The following LMAN2L variants were observed in gnomAD, a reference collection of about 807,000 sequenced individuals.
LMAN2L encodes lectin, mannose binding 2 like.
In LMAN2L, 30 loss-of-function variants were observed where a neutral mutation model predicts 44.3. The ratio of observed to expected loss-of-function variants is 0.68; its 90% CI spans 0.51 to 0.92. The LOEUF is 0.92. Among genes scored for constraint, LMAN2L ranks in the 40% least tolerant of loss-of-function variants. The probability of loss-of-function intolerance (pLI) is 0.00; values close to 1 mark genes in which losing one functional copy is unlikely to be tolerated. For synonymous variants in LMAN2L, 183 were observed against 171.1 expected (o/e 1.07, Z -0.54); for missense variants, 429 against 446.1 (o/e 0.96, Z 0.35).
Position 96,733,568 on chromosome 2 carries a change from C to T in LMAN2L, c.458G>A (p.Gly153Glu). The change falls in exon 4 of 8, where the codon GGG (glycine) becomes GAG (glutamate). Residue 153 changes from glycine to glutamate, a missense_variant. Coordinates refer to ENST00000264963, the MANE Select transcript of LMAN2L (RefSeq NM_030805.4). Reference sequence around the variant, plus strand: ...GTAGGTGTCTACAAATACTCCCAGCCCCACAAATTTGTCCATGTTTCCAAA... The same window carrying T: ...GTAGGTGTCTACAAATACTCCCAGCTCCACAAATTTGTCCATGTTTCCAAA... The part of the protein sequence containing the change: ...PVFGNMDKFV[G>E]LGVFVDTYPN... 3.7e-6 allele frequency: 6 copies of T among 1,613,948 alleles called. No individual in the cohort carries two copies. The highest frequency in any genetic ancestry group is 4.2e-6 in the Non-Finnish European group (5 of 1,179,952).
At chr2:96,710,666 A>G (rs888624792) in intron 6 of LMAN2L, among the ~76,000 whole-genome samples, 16 of 138,152 alleles carry the variant, frequency 1.2e-4, no homozygotes, top group Non-Finnish European at 2.3e-4. Flanking sequence ...CCATATATAT[A>G]TATAAAAAAA....
rs553761350 is a variant in LMAN2L, at chr2:96,723,455, A to G, written c.507+10064T>C. Among the ~76,000 whole-genome samples the G allele has an allele frequency of 3.9e-5, 6 of 152,334 alleles. No homozygotes were observed. In the South Asian group the frequency reaches 1.2e-3, roughly 32 times the overall value. On this transcript the variant is annotated intron_variant, in intron 4 of 7. Coordinates refer to ENST00000264963, the MANE Select transcript of LMAN2L (RefSeq NM_030805.4). ...ATCTCTAATAAGATATGATTTGCAT[A>G]TATCTTTTCCCATTCTGTAGGTTCT...
chr2:96,727,802 G>A (rs1236014995), intron 4 of LMAN2L, among the ~76,000 whole-genome samples: 1 of 152,118 alleles, frequency 6.6e-6, no homozygotes, highest in African/African-American at 2.4e-5. Context: ...CACATACCAC[G>A]GTCATTTGTA....
chr2:96,740,017 A>G lies in LMAN2L; in HGVS notation c.24T>C (p.Leu8=), dbSNP rs767534463. MAATLGP[L]GSWQQWRRCL... is the part of the protein sequence containing the mutation. Reference sequence around the variant, plus strand: ...ATCGCCGCCACTGCTGCCACGACCCAAGGGGTCCCAGAGTCGCCGCCATCT... The same window carrying G: ...ATCGCCGCCACTGCTGCCACGACCCGAGGGGTCCCAGAGTCGCCGCCATCT... Residue 8 remains leucine, a synonymous_variant, in exon 1 of 8, where the codon CTT becomes CTC. Transcript: ENST00000264963. The G allele has an allele frequency of 6.2e-7, 1 of 1,612,370 alleles. No individual in the cohort carries two copies.
At chr2:96,710,422 C>T (rs976512450) in intron 6 of LMAN2L, among the ~76,000 whole-genome samples, 6 of 152,324 alleles carry the variant, frequency 3.9e-5, no homozygotes, top group African/African-American at 1.4e-4. Flanking sequence ...GTAATCCCAG[C>T]ACTTTCGGAG....
At chr2:96,726,910 C>G (rs2078283628) in intron 4 of LMAN2L, among the ~76,000 whole-genome samples, 1 of 151,910 alleles carries the variant, frequency 6.6e-6, no homozygotes, top group African/African-American at 2.4e-5. Flanking sequence ...ATGGTGAAAC[C>G]CCGTCTCCAC....
intron 4 of LMAN2L, among the ~76,000 whole-genome samples, chr2:96,733,233 C>G (rs908146469): frequency 2.6e-5 from 4 of 152,144 alleles, no homozygotes; most frequent in African/African-American, 9.7e-5. Flanking sequence ...GCCAAATCAC[C>G]AATCAACCAA....
At chr2:96,720,141 A>G (rs181372218) in intron 4 of LMAN2L, among the ~76,000 whole-genome samples, 1 of 152,236 alleles carries the variant, frequency 6.6e-6, no homozygotes, top group Non-Finnish European at 1.5e-5. Flanking sequence ...AAAAAAAAGT[A>G]TGAGGAGTAT....
At position 96,707,345 on chromosome 2, in the gene LMAN2L, A is replaced by G; in HGVS notation, c.958T>C (p.Phe320Leu). 1.2e-6 allele frequency: 2 copies of G among 1,614,014 alleles called. No individual in the cohort carries two copies. Among genetic ancestry groups the G allele is most frequent in the African/African-American group, 2.7e-5 (2 of 75,056 alleles). Residue 320 changes from phenylalanine to leucine, a missense_variant, in exon 8 of 8, where the codon TTC becomes CTC. Coordinates refer to ENST00000264963, the MANE Select transcript of LMAN2L (RefSeq NM_030805.4). The stretch of plus-strand genomic sequence containing the variant: ...GCAAATACAGAAAACACCAGGGAGA[A>G]AAAGACGATGAGGAAGAGGGCCAGG... ...SGLALFLIVF[F>L]SLVFSVFAIV...
intron 2 of LMAN2L, chr2:96,734,766 C>A: frequency 2.0e-6 from 1 of 495,634 alleles, no homozygotes; most frequent in Admixed American, 3.4e-5. Flanking sequence ...CAACATTTCC[C>A]AACAGAAACA....
In LMAN2L at chr2:96,739,998, G is replaced by A. The variant is rs143528977; in HGVS notation, c.43C>T (p.Arg15Trp). Reference protein sequence around the residue: ...LGPLGSWQQWRRCLSARDGSR... With the variant: ...LGPLGSWQQWWRCLSARDGSR... ...CCATCCCGAGCCGACAAACATCGCC[G>A]CCACTGCTGCCACGACCCAAGGGGT... is the stretch of plus-strand genomic sequence containing the variant. Residue 15 changes from arginine to tryptophan, a missense_variant, in exon 1 of 8, where the codon CGG becomes TGG. Arg to Trp is a moderately radical substitution (Grantham distance 101). Transcript: ENST00000264963. 2.0e-5 allele frequency: 32 copies of A among 1,613,204 alleles called. No individual in the cohort carries two copies. The highest frequency in any genetic ancestry group is 2.6e-5 in the Non-Finnish European group (31 of 1,179,950).
At chr2:96,734,666 C>G in intron 2 of LMAN2L, 140 bp from the exon 3 acceptor site, 1 of 632,392 alleles carries the variant, frequency 1.6e-6, no homozygotes, top group Non-Finnish European at 2.9e-6. Context: ...CTAAGACTTG[C>G]TATGTGTTCA....
chr2:96,728,052 C>G (rs1217612490), intron 4 of LMAN2L, among the ~76,000 whole-genome samples: 3 of 152,188 alleles, frequency 2.0e-5, no homozygotes, highest in Non-Finnish European at 4.4e-5. Context: ...AGAACAATGC[C>G]TGGCGCCTTT....
chr2:96,717,758 G>C (rs1428820116), intron 4 of LMAN2L, among the ~76,000 whole-genome samples: 2 of 150,218 alleles, frequency 1.3e-5, no homozygotes, highest in African/African-American at 2.4e-5. Context: ...AGAATCGCTT[G>C]AACCCAGGAG....
intron 4 of LMAN2L, among the ~76,000 whole-genome samples, chr2:96,732,938 G>A (rs75982815): frequency 4.0e-5 from 6 of 151,754 alleles, no homozygotes; most frequent in South Asian, 2.1e-4. Context: ...TAGTAGAGAC[G>A]GGGTTTCACC....
At chr2:96,729,016 T>C (rs1382152144) in intron 4 of LMAN2L, among the ~76,000 whole-genome samples, 7 of 151,144 alleles carry the variant, frequency 4.6e-5, no homozygotes, top group Admixed American at 1.3e-4. Context: ...ACTAAAAATA[T>C]AAAAAATTAG....
chr2:96,715,264 C>G (rs1410821646), intron 4 of LMAN2L, among the ~76,000 whole-genome samples: 1 of 152,190 alleles, frequency 6.6e-6, no homozygotes, highest in Non-Finnish European at 1.5e-5. Flanking sequence ...AAAAGCACCA[C>G]AGAAGGCTGT....
Position 96,733,602 on chromosome 2 carries a change from C to G in LMAN2L, c.425-1G>C, listed in dbSNP as rs200723047. On this transcript the variant is annotated splice_acceptor_variant, in intron 3 of 7. Coordinates refer to ENST00000264963, the MANE Select transcript of LMAN2L (RefSeq NM_030805.4). LOFTEE classifies it high-confidence loss of function. The stretch of plus-strand genomic sequence containing the variant: ...TTGTCCATGTTTCCAAACACAGGCC[C>G]TAGAGAGAGAGAACAGATGATGAAC... 121 of 1,610,190 alleles carry G rather than the reference C, an allele frequency of 7.5e-5. No individual in the cohort carries two copies. The highest frequency in any genetic ancestry group is 8.7e-5 in the Non-Finnish European group (102 of 1,176,758).
chr2:96,707,763 G>T lies in LMAN2L; in HGVS notation c.855C>A (p.Leu285=). 6.2e-7 allele frequency: 1 copy of T among 1,614,098 alleles called. No individual in the cohort carries two copies. Among genetic ancestry groups the T allele is most frequent in the South Asian group, 1.1e-5 (1 of 91,076 alleles). ...TVERTPEEEK[L]HRDVFLPSVD... ...CTGAGGGCAAGAACACATCTCGATG[G>T]AGCTTTTCCTCTTCTGGGGTTCTCT... Residue 285 remains leucine (L), a synonymous_variant, in exon 7 of 8, where the codon CTC becomes CTA. Coordinates refer to ENST00000264963, the MANE Select transcript of LMAN2L (RefSeq NM_030805.4).
Sources: gnomAD v4.1 joint callset for allele counts (sites outside exome capture counted in the v4.1 genomes callset) on GRCh38, gnomAD v4.1.1 for gene constraint, MANE v1.5 for transcripts, NCBI Gene and HGNC (gene_info 2026-07-23, HGNC 2026-07-21) for gene names.